The following PDZRN4 variants were observed in gnomAD, a reference collection of about 807,000 sequenced individuals.
The protein encoded by PDZRN4 is PDZ domain-containing RING finger protein 4.
Under a neutral mutation model 99.0 loss-of-function variants are expected in PDZRN4, and 70 were observed. That is an observed-to-expected ratio of 0.71 (90% CI 0.58 to 0.86). The LOEUF (loss-of-function observed/expected upper bound fraction) is 0.86, where lower values mean the gene tolerates loss of function less well. PDZRN4 is among the 40% of genes least tolerant of loss of function. The pLI, the probability that PDZRN4 is intolerant of heterozygous loss-of-function variation, is 0.00. For missense variants in PDZRN4, 1,474 were observed against 1,331.2 expected (o/e 1.11, Z -1.67); for synonymous variants, 551 against 501.6 (o/e 1.10, Z -1.32).
intron 6 of PDZRN4, among the ~76,000 whole-genome samples, chr12:41,553,087 C>G (rs1001943239): frequency 1.3e-5 from 2 of 152,224 alleles, no homozygotes; most frequent in African/African-American, 4.8e-5. Context: ...TCCTTCCATT[C>G]TACTGTGTCT....
At chr12:41,380,068 A>G (rs898201218) in intron 3 of PDZRN4, among the ~76,000 whole-genome samples, 3 of 151,964 alleles carry the variant, frequency 2.0e-5, no homozygotes, top group African/African-American at 7.2e-5. Context: ...CTTTTTGATG[A>G]ATTCACCTCT....
intron 2 of PDZRN4, among the ~76,000 whole-genome samples, chr12:41,191,787 T>TATTTATTTA (rs1352252590): frequency 1.7e-4 from 20 of 117,308 alleles, no homozygotes; most frequent in Non-Finnish European, 3.2e-4. Flanking sequence ...TTTATTTATT[T>TATTTATTTA]TGTTTGTTTG....
rs554792215 is a variant in PDZRN4, at chr12:41,540,395, T to C, written c.1204-12261T>C. Among the ~76,000 whole-genome samples, 3 of 152,292 alleles carry C rather than the reference T, an allele frequency of 2.0e-5. No homozygotes were observed. In the South Asian group the frequency reaches 6.2e-4, roughly 32 times the overall value. ...TTATGTCATATTCTCAATGAATGTCTGAGCATTGGGTATAAAAATATAATA... is the reference window on the plus strand; with the variant it reads ...TTATGTCATATTCTCAATGAATGTCCGAGCATTGGGTATAAAAATATAATA... On this transcript the variant is annotated intron_variant, in intron 5 of 9. Transcript: ENST00000402685.
chr12:41,483,676 C>A (rs1937719911), intron 3 of PDZRN4, among the ~76,000 whole-genome samples: 1 of 152,150 alleles, frequency 6.6e-6, no homozygotes, highest in Non-Finnish European at 1.5e-5. Flanking sequence ...CAAATGATAA[C>A]AACACAGTGA....
chr12:41,461,660 T>C (rs1034851238), intron 3 of PDZRN4, among the ~76,000 whole-genome samples: 5 of 152,220 alleles, frequency 3.3e-5, no homozygotes, highest in Non-Finnish European at 7.3e-5. Flanking sequence ...AAGATTGATA[T>C]GATTCTTCCC....
chr12:41,407,923 TG>T (rs11359041), intron 3 of PDZRN4, among the ~76,000 whole-genome samples: 59,871 of 152,060 alleles, frequency 0.39, 12,001 homozygotes, highest in South Asian at 0.45. Context: ...GTAGAAGCTG[TG>T]TTACCTGGAT....
At chr12:41,353,140 C>G (rs1291990358) in intron 3 of PDZRN4, among the ~76,000 whole-genome samples, 1 of 151,898 alleles carries the variant, frequency 6.6e-6, no homozygotes, top group Non-Finnish European at 1.5e-5. Flanking sequence ...TTTTAATATG[C>G]ATATTCATAA....
intron 3 of PDZRN4, among the ~76,000 whole-genome samples, chr12:41,314,306 T>C (rs1335257509): frequency 1.3e-5 from 2 of 152,138 alleles, no homozygotes; most frequent in Non-Finnish European, 2.9e-5. Flanking sequence ...CAACCCTATA[T>C]TTTTCCCTCC....
chr12:41,254,686 A>G (rs1484008675), intron 3 of PDZRN4, among the ~76,000 whole-genome samples: 1 of 152,236 alleles, frequency 6.6e-6, no homozygotes. Context: ...CAGTAAAACA[A>G]AGAAATTAAA....
chr12:41,499,121 T>G (rs1221671661), intron 3 of PDZRN4, among the ~76,000 whole-genome samples: 1 of 151,520 alleles, frequency 6.6e-6, no homozygotes, highest in Non-Finnish European at 1.5e-5. Flanking sequence ...TGAAGGTGAG[T>G]CAGGATTGTG....
At chr12:41,376,031 A>T (rs901205539) in intron 3 of PDZRN4, among the ~76,000 whole-genome samples, 1 of 152,156 alleles carries the variant, frequency 6.6e-6, no homozygotes, top group African/African-American at 2.4e-5. Context: ...TACTTAGCAT[A>T]ATGCCTTCAA....
intron 5 of PDZRN4, among the ~76,000 whole-genome samples, chr12:41,510,662 A>G (rs1228321780): frequency 6.6e-6 from 1 of 152,130 alleles, no homozygotes; most frequent in Non-Finnish European, 1.5e-5. Context: ...ACCCATGGTC[A>G]CCTGCCCTTT....
intron 3 of PDZRN4, among the ~76,000 whole-genome samples, chr12:41,213,442 T>C (rs1950900561): frequency 6.6e-6 from 1 of 151,796 alleles, no homozygotes; most frequent in Admixed American, 6.6e-5. Flanking sequence ...ATAATGCTAC[T>C]CTTCTTCACT....
intron 3 of PDZRN4, among the ~76,000 whole-genome samples, chr12:41,425,838 A>G (rs960489068): frequency 1.3e-5 from 2 of 152,136 alleles, no homozygotes; most frequent in Admixed American, 6.6e-5. Flanking sequence ...TAATGAGATG[A>G]TTTCCCATAA....
intron 3 of PDZRN4, among the ~76,000 whole-genome samples, chr12:41,258,324 A>G (rs1315766383): frequency 6.6e-6 from 1 of 152,096 alleles, no homozygotes; most frequent in Non-Finnish European, 1.5e-5. Flanking sequence ...CAATGTTTTT[A>G]TTTTGGTAAA....
At chr12:41,336,744 G>A (rs1353568075) in intron 3 of PDZRN4, among the ~76,000 whole-genome samples, 1 of 152,042 alleles carries the variant, frequency 6.6e-6, no homozygotes, top group African/African-American at 2.4e-5. Flanking sequence ...GGGAAGTGGG[G>A]AGTGTTGATT....
chr12:41,301,553 A>C (rs371242242), intron 3 of PDZRN4, among the ~76,000 whole-genome samples: 136 of 152,200 alleles, frequency 8.9e-4, no homozygotes, highest in African/African-American at 3.1e-3. Context: ...TCCTGTACAT[A>C]ATTCAGAAGT....
intron 3 of PDZRN4, among the ~76,000 whole-genome samples, chr12:41,344,571 G>T: frequency 6.6e-6 from 1 of 151,214 alleles, no homozygotes; most frequent in Non-Finnish European, 1.5e-5. Flanking sequence ...CAACTTTCTT[G>T]CTTAGGCTTT....
At chr12:41,365,429 C>T (rs538014472) in intron 3 of PDZRN4, among the ~76,000 whole-genome samples, 2 of 152,048 alleles carry the variant, frequency 1.3e-5, no homozygotes, top group East Asian at 1.9e-4. Context: ...CACATGATTG[C>T]AAAAGACTCC....
Sources: allele counts gnomAD v4.1 joint callset (sites outside exome capture counted in the v4.1 genomes callset), GRCh38; gene constraint gnomAD v4.1.1; transcripts MANE v1.5; gene names NCBI Gene and HGNC (gene_info 2026-07-23, HGNC 2026-07-21).